The following GABBR2 variants were observed in gnomAD, a reference collection of about 807,000 sequenced individuals.
GABBR2 encodes the protein G-protein coupled receptor 51.
Under a neutral mutation model 105.6 loss-of-function variants are expected in GABBR2, and 23 were observed. The ratio of observed to expected loss-of-function variants is 0.22; its 90% CI spans 0.16 to 0.31. GABBR2 has a LOEUF of 0.31. Among genes scored for constraint, GABBR2 ranks in the 10% least tolerant of loss-of-function variants. GABBR2 has a pLI of 1.00. For missense variants in GABBR2, 734 were observed against 1,245.5 expected, an observed-to-expected ratio of 0.59 and a Z score of 6.18; for synonymous variants, 478 against 499.7, an observed-to-expected ratio of 0.96 and a Z score of 0.58.
rs936442546 is a variant in GABBR2 at position 98,446,483 on chromosome 9, G to A, written c.1236+7498C>T. Among the ~76,000 whole-genome samples, 43 of 152,284 alleles carry A rather than the reference G, an allele frequency of 2.8e-4. No homozygotes were observed. In the South Asian group the frequency reaches 4.2e-3, roughly 15 times the overall value. ...TTGACCTTTCAAATTTGTAATTCTT[G>A]TTATAGTTGATCACTGCCATGTCCT... On this transcript the variant is annotated intron_variant, in intron 7 of 18. Coordinates refer to ENST00000259455, the MANE Select transcript of GABBR2 (RefSeq NM_005458.8).
chr9:98,361,801 C>G (rs1181991500), intron 13 of GABBR2, among the ~76,000 whole-genome samples: 1 of 152,180 alleles, frequency 6.6e-6, no homozygotes, highest in African/African-American at 2.4e-5. Flanking sequence ...TCTGCTGCTG[C>G]TCTGAATGCA....
At chr9:98,543,254 T>C (rs1336706368) in intron 2 of GABBR2, among the ~76,000 whole-genome samples, 3 of 152,224 alleles carry the variant, frequency 2.0e-5, no homozygotes, top group Non-Finnish European at 4.4e-5. Context: ...TTTTTGATCT[T>C]TGCAGTATGA....
intron 1 of GABBR2, among the ~76,000 whole-genome samples, chr9:98,697,490 C>T (rs372069846): frequency 7.1e-6 from 1 of 141,078 alleles, no homozygotes; most frequent in Non-Finnish European, 1.5e-5. Context: ...CACTCCGTCT[C>T]AAAAAAAAAA....
chr9:98,694,588 T>G (rs1830725243), intron 1 of GABBR2, among the ~76,000 whole-genome samples: 1 of 152,238 alleles, frequency 6.6e-6, no homozygotes, highest in Non-Finnish European at 1.5e-5. Context: ...GACATCGCTA[T>G]GTCTTCTATA....
intron 13 of GABBR2, among the ~76,000 whole-genome samples, chr9:98,357,896 A>G (rs982712685): frequency 1.3e-5 from 2 of 152,058 alleles, no homozygotes; most frequent in African/African-American, 4.8e-5. Context: ...CTATGTATGT[A>G]TCCTTAAACA....
At position 98,388,959 on chromosome 9, in the gene GABBR2, C is replaced by T. The variant is rs762426467; in HGVS notation, c.1424G>A (p.Arg475Gln). The T allele has an allele frequency of 6.8e-6, 11 of 1,613,486 alleles. No homozygotes were observed. The highest frequency in any genetic ancestry group is 3.3e-5 in the Admixed American group (2 of 59,970). Residue 475 changes from arginine (R) to glutamine (Q), a missense_variant, in exon 10 of 19, where the codon CGG (arginine) becomes CAG (glutamine). This residue lies in a region of GABBR2 where 370 missense variants were observed against 648.9 expected (regional missense o/e 0.57). Coordinates refer to ENST00000259455, the MANE Select transcript of GABBR2 (RefSeq NM_005458.8). The surrounding 1 kb of genome is among the most constrained non-coding windows in gnomAD (Gnocchi z 4.4). ...KDKTIILEQLRKISLPLYSIL... is the reference protein window; with the variant it reads ...KDKTIILEQLQKISLPLYSIL... ...GCTGTAGAGAGGTAGGGAGATCTTC[C>T]GCAGCTGCTCCAGGATGATGGTCTT...
chr9:98,319,307 C>T (rs1243202470), intron 13 of GABBR2, among the ~76,000 whole-genome samples: 1 of 152,206 alleles, frequency 6.6e-6, no homozygotes, highest in Non-Finnish European at 1.5e-5. Context: ...AGCGCTGGAG[C>T]TGGGAGGAAC....
chr9:98,513,664 C>T (rs909639000), intron 3 of GABBR2, among the ~76,000 whole-genome samples: 15 of 152,144 alleles, frequency 9.9e-5, no homozygotes, highest in Admixed American at 7.2e-4. Context: ...AAATGCTCAT[C>T]ATCACTGGCC....
intron 7 of GABBR2, among the ~76,000 whole-genome samples, chr9:98,415,649 T>C (rs886851758): frequency 2.6e-5 from 4 of 152,236 alleles, no homozygotes; most frequent in Admixed American, 2.6e-4. Context: ...TTAAGATTTT[T>C]TTCCCCTGGG....
chr9:98,662,490 A>G (rs750021740), intron 1 of GABBR2, among the ~76,000 whole-genome samples: 1 of 152,218 alleles, frequency 6.6e-6, no homozygotes, highest in Non-Finnish European at 1.5e-5. Context: ...GTAGCATATA[A>G]AGAAACTCAC....
chr9:98,356,894 A>G (rs688087), intron 13 of GABBR2, among the ~76,000 whole-genome samples: 109,838 of 152,146 alleles, frequency 0.72, 39,729 homozygotes, highest in East Asian at 0.8. Context: ...GAGCTATCAA[A>G]CCACAAAAAT....
chr9:98,664,476 C>T (rs1264357408), intron 1 of GABBR2, among the ~76,000 whole-genome samples: 1 of 152,172 alleles, frequency 6.6e-6, no homozygotes, highest in African/African-American at 2.4e-5. Context: ...ACCAAGTTGG[C>T]AAATCCATTA....
intron 3 of GABBR2, among the ~76,000 whole-genome samples, chr9:98,497,838 T>A (rs1406119163): frequency 2.0e-5 from 3 of 152,084 alleles, no homozygotes; most frequent in African/African-American, 7.2e-5. Flanking sequence ...CTCAAAAAAA[T>A]AAATATAAAA....
At chr9:98,675,349 A>C (rs1588278688) in intron 1 of GABBR2, among the ~76,000 whole-genome samples, 1 of 152,042 alleles carries the variant, frequency 6.6e-6, no homozygotes, top group East Asian at 1.9e-4. Context: ...TGCCCTAACC[A>C]CAGTGACAAG....
intron 13 of GABBR2, among the ~76,000 whole-genome samples, chr9:98,356,464 A>G (rs1170382906): frequency 2.0e-5 from 3 of 152,230 alleles, no homozygotes; most frequent in African/African-American, 7.2e-5. Flanking sequence ...AATGAGATAC[A>G]AGCACACACC....
chr9:98,463,687 C>T (rs1001277909), intron 6 of GABBR2, among the ~76,000 whole-genome samples: 6 of 151,618 alleles, frequency 4.0e-5, no homozygotes, highest in African/African-American at 1.5e-4. Context: ...AGAGCCTGGG[C>T]AGTACTGCCG....
intron 4 of GABBR2, among the ~76,000 whole-genome samples, chr9:98,489,702 C>T (rs899064072): frequency 2.0e-5 from 3 of 152,050 alleles, no homozygotes; most frequent in Non-Finnish European, 2.9e-5. Context: ...AGTCTGCCTA[C>T]GGCGACCATC....
At chr9:98,525,132 T>G (rs543086424) in intron 3 of GABBR2, among the ~76,000 whole-genome samples, 1 of 152,130 alleles carries the variant, frequency 6.6e-6, no homozygotes, top group South Asian at 2.1e-4. Context: ...ACATCAAAAG[T>G]AAAAGCAGCA....
intron 1 of GABBR2, among the ~76,000 whole-genome samples, chr9:98,641,425 A>C (rs1010464878): frequency 6.6e-6 from 1 of 151,748 alleles, no homozygotes; most frequent in African/African-American, 2.4e-5. Flanking sequence ...GGCGTGAGCC[A>C]CCACACGTCC....
Sources: allele counts gnomAD v4.1 joint callset (sites outside exome capture counted in the v4.1 genomes callset), GRCh38; gene constraint gnomAD v4.1.1; regional missense constraint gnomAD v4.1.1; non-coding constraint Gnocchi (gnomAD v3.1); transcripts MANE v1.5; gene names NCBI Gene and HGNC (gene_info 2026-07-23, HGNC 2026-07-21).